Variants in LRP1B observed in about 807,000 individuals in gnomAD.
LRP1B encodes the protein low-density lipoprotein receptor-related protein 1B.
In LRP1B, 217 loss-of-function variants were observed where a neutral mutation model predicts 556.6. The ratio of observed to expected loss-of-function variants is 0.39; its 90% confidence interval spans 0.35 to 0.44. LRP1B has a LOEUF of 0.44. Among genes scored for constraint, LRP1B ranks in the 20% least tolerant of loss-of-function variants. The pLI, the probability that LRP1B is intolerant of heterozygous loss-of-function variation, is 1.00. For missense variants in LRP1B, 5,053 were observed against 5,620.8 expected, an observed-to-expected ratio of 0.90 and a Z score of 3.23; for synonymous variants, 2,047 against 1,865.8, an observed-to-expected ratio of 1.10 and a Z score of -2.50.
chr2:141,180,347 T>TAA (rs3063854), intron 7 of LRP1B, among the ~76,000 whole-genome samples: 62,601 of 146,976 alleles, frequency 0.43, 14,411 homozygotes, highest in Middle Eastern at 0.58. Context: ...TAGAACTCCA[T>TAA]AAAAAAAAAA....
intron 66 of LRP1B, among the ~76,000 whole-genome samples, chr2:140,387,000 T>C (rs1396920482): frequency 6.6e-6 from 1 of 152,194 alleles, no homozygotes; most frequent in Non-Finnish European, 1.5e-5. Flanking sequence ...ATATTGCCTT[T>C]TGTCTATGAA....
chr2:140,352,240 A>G (rs572169146), intron 76 of LRP1B, among the ~76,000 whole-genome samples: 23 of 152,052 alleles, frequency 1.5e-4, no homozygotes, highest in Non-Finnish European at 3.2e-4. Context: ...CAGTGGCGCA[A>G]TCCTGGCTCA....
intron 1 of LRP1B, among the ~76,000 whole-genome samples, chr2:142,106,795 T>C (rs984572608): frequency 6.6e-6 from 1 of 152,136 alleles, no homozygotes; most frequent in Non-Finnish European, 1.5e-5. Context: ...TTGAAGGTTA[T>C]ATTATGTCTC....
chr2:141,886,659 A>G (rs1699123131), intron 1 of LRP1B, among the ~76,000 whole-genome samples: 1 of 152,216 alleles, frequency 6.6e-6, no homozygotes, highest in Non-Finnish European at 1.5e-5. Context: ...GAACATAGTG[A>G]AAAAGTAACA....
At chr2:140,388,983 A>G (rs2105205100) in intron 66 of LRP1B, among the ~76,000 whole-genome samples, 1 of 152,310 alleles carries the variant, frequency 6.6e-6, no homozygotes, top group African/African-American at 2.4e-5. Flanking sequence ...AACAGAACAT[A>G]TATATTTCCA....
At chr2:141,209,175 T>C (rs1682434365) in intron 6 of LRP1B, among the ~76,000 whole-genome samples, 1 of 152,068 alleles carries the variant, frequency 6.6e-6, no homozygotes, top group African/African-American at 2.4e-5. Context: ...CCCACCCAAA[T>C]CTCACCTTGA....
intron 7 of LRP1B, among the ~76,000 whole-genome samples, chr2:141,149,982 T>C (rs1350598548): frequency 6.6e-6 from 1 of 152,156 alleles, no homozygotes; most frequent in Non-Finnish European, 1.5e-5. Flanking sequence ...GAGAGGTTTT[T>C]TGAATAGTTG....
intron 2 of LRP1B, among the ~76,000 whole-genome samples, chr2:141,650,036 G>T (rs370692716): frequency 6.6e-6 from 1 of 152,010 alleles, no homozygotes; most frequent in East Asian, 1.9e-4. Flanking sequence ...AAAAGTTAGC[G>T]CGGCATGGTG....
chr2:141,477,168 C>A (rs200138662), intron 3 of LRP1B, among the ~76,000 whole-genome samples: 1,618 of 39,846 alleles, frequency 0.041, 27 homozygotes, highest in African/African-American at 0.096. Context: ...AACAAACAAA[C>A]AAAAAAACCA....
intron 7 of LRP1B, among the ~76,000 whole-genome samples, chr2:141,153,517 A>G (rs1161034119): frequency 7.7e-6 from 1 of 129,338 alleles, no homozygotes; most frequent in Non-Finnish European, 1.6e-5. Flanking sequence ...TAATATATAT[A>G]AGCTATATAT....
intron 1 of LRP1B, among the ~76,000 whole-genome samples, chr2:142,048,994 A>G (rs1286255800): frequency 4.6e-5 from 7 of 152,110 alleles, no homozygotes; most frequent in Non-Finnish European, 8.8e-5. Flanking sequence ...GTTTAAATCA[A>G]TAGTTTCTAA....
At chr2:141,947,949 G>A (rs1474682097) in intron 1 of LRP1B, among the ~76,000 whole-genome samples, 1 of 152,022 alleles carries the variant, frequency 6.6e-6, no homozygotes, top group Non-Finnish European at 1.5e-5. Context: ...ATTTATATGT[G>A]ATCCTTGTCA....
intron 7 of LRP1B, among the ~76,000 whole-genome samples, chr2:141,178,993 CGTT>C (rs1157533485): frequency 5.3e-5 from 8 of 151,768 alleles, no homozygotes; most frequent in Non-Finnish European, 7.4e-5. Flanking sequence ...TACTAAATAC[CGTT>C]GTTATAAGAA....
intron 66 of LRP1B, among the ~76,000 whole-genome samples, chr2:140,388,801 A>G (rs1163459903): frequency 6.6e-6 from 1 of 152,294 alleles, no homozygotes; most frequent in East Asian, 1.9e-4. Context: ...GTTACACATT[A>G]AAATCACTTG....
chr2:140,851,629 G>A lies in LRP1B; in HGVS notation c.4711+23C>T, dbSNP rs377284476. 1.6e-4 allele frequency: 250 copies of A among 1,597,292 alleles called. No homozygotes were observed. In the African/African-American group the frequency reaches 2.9e-3, roughly 19 times the overall value. On this transcript the variant is annotated intron_variant, in intron 28 of 90. Transcript: ENST00000389484. ...AGAATTCAATTTTGTTTTTATTTTC[G>A]ATTAGAACTGTAAGAAATTTACCAT... is the stretch of plus-strand genomic sequence containing the variant.
chr2:141,185,683 C>CAAAAAAAAAAAAAAAAAAAAAAAAA (rs148935362), intron 7 of LRP1B, among the ~76,000 whole-genome samples: 2 of 74,320 alleles, frequency 2.7e-5, no homozygotes, highest in African/African-American at 9.7e-5. Context: ...GAAAAACAAA[C>CAAAAAAAAAAAAAAAAAAAAAAAAA]AAACAAAAAA....
intron 2 of LRP1B, among the ~76,000 whole-genome samples, chr2:141,780,140 A>G (rs1042310298): frequency 6.6e-6 from 1 of 151,634 alleles, no homozygotes; most frequent in Non-Finnish European, 1.5e-5. Flanking sequence ...AAATATTAAT[A>G]AATCATATAA....
rs527872126 is a variant in LRP1B at position 142,031,335 on chromosome 2, T to TA, written c.82+99312_82+99313insT. 2.9e-4 allele frequency among the ~76,000 whole-genome samples: 39 copies of TA among 136,670 alleles called. 2 individuals are homozygous for TA. The South Asian group carries it at 7.9e-3, about 28-fold the overall frequency. The allele number at this position is 136,670 out of a possible 152,430, so 89.7% of individuals were successfully genotyped here. On this transcript the variant is annotated intron_variant, in intron 1 of 90. Transcript: ENST00000389484. ...GAGAAAGGTTGATTATACTTATTTTTTTTTTTTTTTTTTATTATACTCTAA... is the reference window on the plus strand; with the variant it reads ...GAGAAAGGTTGATTATACTTATTTTTATTTTTTTTTTTTTATTATACTCTAA...
At chr2:142,098,619 A>C (rs557857200) in intron 1 of LRP1B, among the ~76,000 whole-genome samples, 2 of 151,948 alleles carry the variant, frequency 1.3e-5, no homozygotes, top group South Asian at 4.1e-4. Flanking sequence ...CATTTTAAGA[A>C]GTCTGATTTC....
Sources: allele counts gnomAD v4.1 joint callset (sites outside exome capture counted in the v4.1 genomes callset), GRCh38; gene constraint gnomAD v4.1.1; transcripts MANE v1.5; gene names NCBI Gene and HGNC (gene_info 2026-07-23, HGNC 2026-07-21).